The following SFMBT1 variants were observed in gnomAD, a reference collection of about 807,000 sequenced individuals.
SFMBT1 encodes Scm like with four mbt domains 1.
SFMBT1 carries 32 observed loss-of-function variants against 108.7 expected under a neutral mutation model. The ratio of observed to expected loss-of-function variants is 0.29; its 90% CI spans 0.22 to 0.40. SFMBT1 has a LOEUF of 0.40. Among genes scored for constraint, SFMBT1 ranks in the 10% least tolerant of loss-of-function variants. The probability of loss-of-function intolerance (pLI) is 1.00; values close to 1 mark genes in which losing one functional copy is unlikely to be tolerated. For missense variants in SFMBT1, 816 were observed against 1,059.6 expected (o/e 0.77, Z 3.19); for synonymous variants, 348 against 369.5 (o/e 0.94, Z 0.67).
intron 2 of SFMBT1, among the ~76,000 whole-genome samples, chr3:52,960,679 T>C (rs1366715879): frequency 6.6e-6 from 1 of 152,038 alleles, no homozygotes; most frequent in African/African-American, 2.4e-5. Context: ...CCAAAAAGAA[T>C]TAAAAAGAGG....
At chr3:52,935,445 TTG>T (rs1702977260) in intron 4 of SFMBT1, among the ~76,000 whole-genome samples, 1 of 152,226 alleles carries the variant, frequency 6.6e-6, no homozygotes, top group Admixed American at 6.5e-5. Flanking sequence ...TTGACAGAGA[TTG>T]TATGACTAGT....
chr3:52,952,662 C>G (rs1703633517), intron 3 of SFMBT1, among the ~76,000 whole-genome samples: 1 of 152,202 alleles, frequency 6.6e-6, no homozygotes, highest in African/African-American at 2.4e-5. Context: ...TTCTTGCTGT[C>G]TTCACATGGT....
At position 52,925,972 on chromosome 3, in the gene SFMBT1, G is replaced by C. The variant is rs181962552; in HGVS notation, c.1131+59C>G. 9.0e-6 allele frequency: 13 copies of C among 1,442,792 alleles called. No homozygotes were observed. In the African/African-American group the frequency reaches 1.7e-4, roughly 19 times the overall value. 89.4% of individuals were successfully genotyped at this position (1,442,792 alleles called of 1,614,324 possible). On this transcript the variant is annotated intron_variant, in intron 10 of 20. Transcript: ENST00000394752. The stretch of plus-strand genomic sequence containing the variant: ...CAGAGCAATAACATGGAAAGCAAGG[G>C]AAGCACAGCAGTCCCTGCAGCCCTG...
At position 52,932,801 on chromosome 3, in the gene SFMBT1, C is replaced by G. The variant is rs536353729; in HGVS notation, c.454-493G>C. 3.3e-5 allele frequency among the ~76,000 whole-genome samples: 5 copies of G among 152,240 alleles called. No individual in the cohort carries two copies. In the East Asian group the frequency reaches 9.6e-4, roughly 29 times the overall value. ...TGGTAGGCACCTGTAGTCCCAGCTA[C>G]TTGAGAGGCTGAGGCAGAAGAATCA... On this transcript the variant is annotated intron_variant, in intron 5 of 20. Coordinates refer to ENST00000394752, the MANE Select transcript of SFMBT1 (RefSeq NM_016329.4).
intron 2 of SFMBT1, among the ~76,000 whole-genome samples, chr3:52,966,171 G>T (rs571522556): frequency 1.8e-4 from 26 of 145,978 alleles, no homozygotes; most frequent in Non-Finnish European, 3.4e-4. Context: ...CAAAAAATTT[G>T]CCGGGCGTGG....
At chr3:52,944,981 T>C (rs1703309182) in intron 3 of SFMBT1, among the ~76,000 whole-genome samples, 1 of 151,374 alleles carries the variant, frequency 6.6e-6, no homozygotes, top group South Asian at 2.1e-4. Flanking sequence ...TTTTTGTATT[T>C]TCTGTAGAGA....
At chr3:53,026,026 A>G (rs1699478910) in intron 1 of SFMBT1, among the ~76,000 whole-genome samples, 2 of 152,270 alleles carry the variant, frequency 1.3e-5, no homozygotes, top group Non-Finnish European at 2.9e-5. Context: ...TGATGTAAGC[A>G]CATTGCTTCA....
At chr3:53,045,412 C>T (rs1048990844) in intron 1 of SFMBT1, 1 of 143,260 alleles carries the variant, frequency 7.0e-6, no homozygotes, top group Non-Finnish European at 1.5e-5. Context: ...CCCGGCGCGC[C>T]GGGGAACTTG....
chr3:53,013,501 T>G (rs956441806), intron 1 of SFMBT1, among the ~76,000 whole-genome samples: 1 of 151,442 alleles, frequency 6.6e-6, no homozygotes, highest in Admixed American at 6.6e-5. Context: ...TAGGAAATGA[T>G]TACTATATTT....
At chr3:53,037,394 T>C (rs773800519) in intron 1 of SFMBT1, among the ~76,000 whole-genome samples, 1 of 152,246 alleles carries the variant, frequency 6.6e-6, no homozygotes, top group Non-Finnish European at 1.5e-5. Flanking sequence ...AGATAATGCC[T>C]AGGAGAAGAT....
intron 1 of SFMBT1, among the ~76,000 whole-genome samples, chr3:52,980,709 G>A (rs534299571): frequency 1.3e-5 from 2 of 150,894 alleles, no homozygotes; most frequent in Non-Finnish European, 2.9e-5. Flanking sequence ...CTGCAGCTAC[G>A]CCAACAGGTG....
intron 1 of SFMBT1, among the ~76,000 whole-genome samples, chr3:53,002,227 G>C (rs1698582434): frequency 6.7e-6 from 1 of 148,740 alleles, no homozygotes; most frequent in Non-Finnish European, 1.5e-5. Flanking sequence ...GGCGAAACCT[G>C]TCTCTACTAA....
At chr3:52,999,279 A>G (rs2564919) in intron 1 of SFMBT1, among the ~76,000 whole-genome samples, 45,852 of 149,954 alleles carry the variant, frequency 0.31, 9,719 homozygotes, top group East Asian at 0.52. Context: ...CTGGAACCCT[A>G]CGTGAAGGAG....
intron 1 of SFMBT1, among the ~76,000 whole-genome samples, chr3:53,013,901 T>C (rs1699040839): frequency 6.6e-6 from 1 of 152,116 alleles, no homozygotes; most frequent in South Asian, 2.1e-4. Flanking sequence ...AGTGCTGGGA[T>C]TACAGGTGTG....
intron 1 of SFMBT1, among the ~76,000 whole-genome samples, chr3:52,991,748 C>A (rs55885034): frequency 0.064 from 9,763 of 152,094 alleles, 863 homozygotes; most frequent in South Asian, 0.18. Flanking sequence ...AGCTGCCTGC[C>A]CCTTCTTGCT....
rs552063469 is a variant in SFMBT1 at position 52,907,301 on chromosome 3, T to G, written c.2099A>C (p.Glu700Ala). The change falls in exon 19 of 21, where the codon GAA (glutamate) becomes GCA (alanine). Residue 700 changes from glutamate to alanine, a missense_variant. This residue lies in a region of SFMBT1 where 177 missense variants were observed against 182.0 expected (regional missense o/e 0.97). Transcript: ENST00000394752. ...PAGSPQGSGGEDEDDPDEGDD... is the reference protein window; with the variant it reads ...PAGSPQGSGGADEDDPDEGDD... ...CCCTTCATCTGGGTCATCCTCATCT[T>G]CACCCCCACTTCCCTGCAGGAAAAG... 6.2e-7 allele frequency: 1 copy of G among 1,613,064 alleles called. No homozygotes were observed. The highest frequency in any genetic ancestry group is 2.2e-5 in the East Asian group (1 of 44,858).
intron 2 of SFMBT1, among the ~76,000 whole-genome samples, chr3:52,959,343 T>C (rs1703886132): frequency 6.6e-6 from 1 of 152,142 alleles, no homozygotes; most frequent in Non-Finnish European, 1.5e-5. Context: ...CTATCTCTAG[T>C]CCAAGGTCTA....
In SFMBT1 at chr3:53,002,220, G is replaced by A. The variant is rs572585073; in HGVS notation, c.-130-32962C>T. On this transcript the variant is annotated intron_variant, in intron 1 of 20. Coordinates refer to ENST00000394752, the MANE Select transcript of SFMBT1 (RefSeq NM_016329.4). The stretch of plus-strand genomic sequence containing the variant: ...TCGAGACCATCCTGGCTAACACGGC[G>A]AAACCTGTCTCTACTAAAAATACAA... 1.4e-4 allele frequency among the ~76,000 whole-genome samples: 21 copies of A among 148,952 alleles called. 2 individuals are homozygous for A. Among genetic ancestry groups the A allele is most frequent in the South Asian group, 1.3e-3 (6 of 4,674 alleles).
chr3:52,920,691 CTTTT>C (rs769836181), intron 11 of SFMBT1, 41 bp from the exon 12 acceptor site: 8 of 1,225,098 alleles, frequency 6.5e-6, no homozygotes, highest in Non-Finnish European at 9.5e-6. Flanking sequence ...ACAAACAAAC[CTTTT>C]TTTAGACCAT....
Sources: gnomAD v4.1 joint callset for allele counts (sites outside exome capture counted in the v4.1 genomes callset) on GRCh38, gnomAD v4.1.1 for gene constraint, gnomAD v4.1.1 regional missense constraint, MANE v1.5 for transcripts, NCBI Gene and HGNC (gene_info 2026-07-23, HGNC 2026-07-21) for gene names.